Variants in NOX4 observed in about 807,000 individuals in gnomAD.
NOX4 encodes the protein kidney oxidase-1.
NOX4 carries 69 observed loss-of-function variants against 87.6 expected under a neutral mutation model. The observed-to-expected ratio is 0.79, with a 90% CI of 0.65 to 0.96. The LOEUF (loss-of-function observed/expected upper bound fraction) is 0.96. Ranked by LOEUF, NOX4 falls within the 40% of genes least tolerant of loss-of-function variation. NOX4 has a pLI of 0.00. For missense variants in NOX4, 680 were observed against 681.5 expected (o/e 1.00, Z 0.02); for synonymous variants, 275 against 238.2 (o/e 1.15, Z -1.42).
At chr11:89,437,646 G>A (rs903941662) in intron 6 of NOX4, among the ~76,000 whole-genome samples, 2 of 151,948 alleles carry the variant, frequency 1.3e-5, no homozygotes, top group African/African-American at 4.8e-5. Flanking sequence ...ATTGCCAGAG[G>A]CCATAAAAAA....
At chr11:89,456,219 T>C (rs1054245114) in intron 2 of NOX4, among the ~76,000 whole-genome samples, 1 of 152,052 alleles carries the variant, frequency 6.6e-6, no homozygotes, top group African/African-American at 2.4e-5. Context: ...AAAATTAAAA[T>C]TGTTTAAGAA....
intron 8 of NOX4, among the ~76,000 whole-genome samples, chr11:89,420,673 C>T (rs1943035277): frequency 6.6e-6 from 1 of 152,058 alleles, no homozygotes; most frequent in Non-Finnish European, 1.5e-5. Context: ...ATGTAAATGA[C>T]CCACTGTACT....
At chr11:89,530,450 C>T in the NOX4 span, among the ~76,000 whole-genome samples, 2 of 149,242 alleles carry the variant, frequency 1.3e-5, no homozygotes, top group Non-Finnish European at 3.0e-5. Flanking sequence ...TCAAGTGATT[C>T]TCCTGCCTCA....
At chr11:89,434,540 G>C (rs904942362) in intron 6 of NOX4, among the ~76,000 whole-genome samples, 1 of 151,980 alleles carries the variant, frequency 6.6e-6, no homozygotes, top group Non-Finnish European at 1.5e-5. Context: ...AGAACTAGCA[G>C]CATGAAAAAT....
intron 7 of NOX4, among the ~76,000 whole-genome samples, chr11:89,428,842 A>C (rs1441373472): frequency 6.6e-6 from 1 of 152,182 alleles, no homozygotes; most frequent in East Asian, 1.9e-4. Context: ...CAGGAATTGA[A>C]CTCAGCTCTG....
the NOX4 span, among the ~76,000 whole-genome samples, chr11:89,525,941 T>C: frequency 1.3e-5 from 2 of 152,138 alleles, no homozygotes; most frequent in Admixed American, 6.5e-5. Context: ...CAATATTCAG[T>C]TTTATATAAA....
intron 6 of NOX4, among the ~76,000 whole-genome samples, chr11:89,439,637 G>T (rs998545187): frequency 8.5e-5 from 13 of 152,094 alleles, no homozygotes; most frequent in Non-Finnish European, 1.3e-4. Flanking sequence ...TCTCAACTAT[G>T]CAATCATCCT....
chr11:89,427,593 G>A lies in NOX4; in HGVS notation c.548+5191C>T, dbSNP rs149970061. Among the ~76,000 whole-genome samples, 83 of 152,224 alleles carry A rather than the reference G, an allele frequency of 5.5e-4. No individual in the cohort carries two copies. In the East Asian group the frequency reaches 0.013, roughly 24 times the overall value. The stretch of plus-strand genomic sequence containing the variant: ...TGACGAATGACAAGCTTCAGTAGCC[G>A]ATTCAATCAACTGGAAGAAAGGGTA... On this transcript the variant is annotated intron_variant, in intron 7 of 17. Coordinates refer to ENST00000263317, the MANE Select transcript of NOX4 (RefSeq NM_016931.5).
At chr11:89,474,794 A>T (rs1392726329) in intron 2 of NOX4, among the ~76,000 whole-genome samples, 1 of 151,992 alleles carries the variant, frequency 6.6e-6, no homozygotes, top group African/African-American at 2.4e-5. Context: ...ATTTCTTTTG[A>T]CATTTAATAT....
chr11:89,425,802 C>G (rs372285381), intron 7 of NOX4, among the ~76,000 whole-genome samples: 190 of 152,052 alleles, frequency 1.2e-3, no homozygotes, highest in South Asian at 9.1e-3. Flanking sequence ...AGGTTAAAAA[C>G]TATAAAGACA....
chr11:89,412,403 C>A (rs943272209), intron 8 of NOX4, among the ~76,000 whole-genome samples: 7 of 152,030 alleles, frequency 4.6e-5, no homozygotes, highest in Non-Finnish European at 1.0e-4. Context: ...TCTCAAGGAT[C>A]ATATGTTAGG....
intron 6 of NOX4, among the ~76,000 whole-genome samples, chr11:89,435,748 T>C (rs915937789): frequency 2.6e-5 from 4 of 152,150 alleles, no homozygotes; most frequent in Non-Finnish European, 5.9e-5. Flanking sequence ...TCTGGGATTA[T>C]ACTCTTGTTA....
the NOX4 span, among the ~76,000 whole-genome samples, chr11:89,524,408 T>G: frequency 7.2e-5 from 11 of 152,166 alleles, no homozygotes; most frequent in Non-Finnish European, 1.2e-4. Flanking sequence ...ATACTTTGGT[T>G]ATATCATTAA....
the NOX4 span, chr11:89,545,421 T>C: frequency 6.6e-6 from 1 of 152,120 alleles, no homozygotes; most frequent in Non-Finnish European, 1.5e-5. Flanking sequence ...AAATAACATT[T>C]CTAACCTCTG....
At position 89,342,071 on chromosome 11, in the gene NOX4, T is replaced by C. The variant is rs771208516; in HGVS notation, c.1337+3A>G. 8 of 1,605,976 alleles carry C rather than the reference T, an allele frequency of 5.0e-6. No individual in the cohort carries two copies. The Admixed American group carries it at 1.4e-4, about 27-fold the overall frequency. ...ATTAACAAAATAGATCAAAATGACA[T>C]ACAACAGGGTGTTGAGTATTGATGC... On this transcript the variant is annotated splice_donor_region_variant and intron_variant, in intron 14 of 17. Coordinates refer to ENST00000263317, the MANE Select transcript of NOX4 (RefSeq NM_016931.5).
chr11:89,442,610 C>A (rs1193952466), intron 5 of NOX4, among the ~76,000 whole-genome samples: 1 of 151,868 alleles, frequency 6.6e-6, no homozygotes, highest in Non-Finnish European at 1.5e-5. Context: ...GAATATATAC[C>A]ATAAAATGCG....
At chr11:89,363,392 A>C (rs2135014533) in intron 12 of NOX4, among the ~76,000 whole-genome samples, 1 of 152,224 alleles carries the variant, frequency 6.6e-6, no homozygotes, top group Non-Finnish European at 1.5e-5. Context: ...TCACTCATCT[A>C]ACAAACTTTT....
At chr11:89,519,406 G>A in the NOX4 span, among the ~76,000 whole-genome samples, 2 of 151,942 alleles carry the variant, frequency 1.3e-5, no homozygotes, top group African/African-American at 2.4e-5. Context: ...TTATAGTTTT[G>A]AACAGAAGAT....
At chr11:89,562,907 G>C in the NOX4 span, among the ~76,000 whole-genome samples, 1 of 152,168 alleles carries the variant, frequency 6.6e-6, no homozygotes, top group Non-Finnish European at 1.5e-5. Context: ...TTGGATTATT[G>C]AGGGGATTTT....
Sources: gnomAD v4.1 joint callset for allele counts (sites outside exome capture counted in the v4.1 genomes callset) on GRCh38, gnomAD v4.1.1 for gene constraint, MANE v1.5 for transcripts, NCBI Gene and HGNC (gene_info 2026-07-23, HGNC 2026-07-21) for gene names.